Variants in CTNNA2 observed in about 807,000 individuals in gnomAD.
CTNNA2 encodes catenin alpha 2, also known as catenin alpha-2.
In CTNNA2, 42 loss-of-function variants were observed where a neutral mutation model predicts 101.0. That is an observed-to-expected ratio of 0.42 (90% CI 0.32 to 0.54). The LOEUF (loss-of-function observed/expected upper bound fraction) is 0.54, where lower values mean the gene tolerates loss of function less well. CTNNA2 is among the 20% of genes least tolerant of loss of function. The pLI is 0.14. For missense variants in CTNNA2, 871 were observed against 1,223.1 expected, an observed-to-expected ratio of 0.71 and a Z score of 4.29; for synonymous variants, 450 against 456.4, an observed-to-expected ratio of 0.99 and a Z score of 0.18.
intron 7 of CTNNA2, among the ~76,000 whole-genome samples, chr2:80,265,611 A>C (rs558199538): frequency 6.6e-6 from 1 of 152,278 alleles, no homozygotes; most frequent in South Asian, 2.1e-4. Context: ...CTGGCCTTAC[A>C]TTGATTGCTG....
At chr2:80,620,936 A>G (rs1002064604) in intron 18 of CTNNA2, among the ~76,000 whole-genome samples, 5 of 151,950 alleles carry the variant, frequency 3.3e-5, no homozygotes, top group Non-Finnish European at 5.9e-5. Flanking sequence ...GCACTTATTT[A>G]TCTTCATGTG....
chr2:80,179,971 A>C (rs1705668167), intron 7 of CTNNA2, among the ~76,000 whole-genome samples: 1 of 152,068 alleles, frequency 6.6e-6, no homozygotes, highest in South Asian at 2.1e-4. Flanking sequence ...CTGAGCTAAA[A>C]CTTCATTAAT....
chr2:79,306,062 A>AAAAAAG (rs1676236965), intron 2 of CTNNA2, among the ~76,000 whole-genome samples: 1 of 151,484 alleles, frequency 6.6e-6, no homozygotes, highest in Admixed American at 6.6e-5. Context: ...AAAAAAAAAA[A>AAAAAAG]GGCAATCTTG....
intron 3 of CTNNA2, among the ~76,000 whole-genome samples, chr2:79,790,118 G>A (rs1256956110): frequency 6.6e-6 from 1 of 152,222 alleles, no homozygotes; most frequent in African/African-American, 2.4e-5. Flanking sequence ...CAGTACATCA[G>A]TAGTAGCTGA....
At position 80,343,673 on chromosome 2, in the gene CTNNA2, A is replaced by G. The variant is rs1309821034; in HGVS notation, c.1057-49538A>G. On this transcript the variant is annotated intron_variant, in intron 7 of 18. Coordinates refer to ENST00000402739, the MANE Select transcript of CTNNA2 (RefSeq NM_001282597.3). ...CACAATTATTTATAAGAAAAATAGGACTGGAACCCATTTCTGATCACGATC... is the reference window on the plus strand; with the variant it reads ...CACAATTATTTATAAGAAAAATAGGGCTGGAACCCATTTCTGATCACGATC... 2.0e-5 allele frequency among the ~76,000 whole-genome samples: 3 copies of G among 152,192 alleles called. No homozygotes were observed. In the East Asian group the frequency reaches 5.8e-4, roughly 29 times the overall value.
intron 7 of CTNNA2, among the ~76,000 whole-genome samples, chr2:79,951,132 GA>G (rs1225934840): frequency 6.6e-6 from 1 of 152,128 alleles, no homozygotes; most frequent in African/African-American, 2.4e-5. Context: ...CAAAAGAGCA[GA>G]AAACTACATA....
intron 4 of CTNNA2, among the ~76,000 whole-genome samples, chr2:79,399,534 C>T (rs1180092831): frequency 6.6e-6 from 1 of 152,060 alleles, no homozygotes; most frequent in Non-Finnish European, 1.5e-5. Flanking sequence ...ATAGAAATAT[C>T]ATAGACCACA....
chr2:80,573,875 A>C (rs1441763897), intron 12 of CTNNA2, among the ~76,000 whole-genome samples: 2 of 152,272 alleles, frequency 1.3e-5, no homozygotes, highest in East Asian at 3.9e-4. Flanking sequence ...GTAACATGAA[A>C]ACTATATTCA....
At chr2:79,693,694 A>G (rs1684471797) in intron 2 of CTNNA2, among the ~76,000 whole-genome samples, 1 of 151,952 alleles carries the variant, frequency 6.6e-6, no homozygotes, top group African/African-American at 2.4e-5. Flanking sequence ...GGGGAAAGTC[A>G]GAGTATAAAG....
chr2:80,419,306 T>G (rs907021418), intron 8 of CTNNA2, 143 bp from the exon 9 acceptor site: 6 of 618,908 alleles, frequency 9.7e-6, no homozygotes, highest in Non-Finnish European at 1.7e-5. Context: ...CCTTTAATAA[T>G]GTAAGCACTG....
intron 7 of CTNNA2, among the ~76,000 whole-genome samples, chr2:79,996,458 A>C (rs1350931939): frequency 6.6e-6 from 1 of 152,230 alleles, no homozygotes; most frequent in Non-Finnish European, 1.5e-5. Context: ...ATTATGAAGC[A>C]GAAAAAAGAA....
intron 3 of CTNNA2, among the ~76,000 whole-genome samples, chr2:79,834,574 GTTGA>G (rs1374075798): frequency 1.3e-5 from 2 of 151,790 alleles, no homozygotes; most frequent in Non-Finnish European, 2.9e-5. Flanking sequence ...TTTTCATTGG[GTTGA>G]TTGTCATCTT....
intron 9 of CTNNA2, among the ~76,000 whole-genome samples, chr2:80,462,021 TG>T (rs1684471131): frequency 6.6e-6 from 1 of 152,244 alleles, no homozygotes; most frequent in South Asian, 2.1e-4. Context: ...ATGTTTTCAT[TG>T]TTATTTAAAA....
chr2:80,604,207 T>TG (rs898180810), intron 16 of CTNNA2, 28 bp downstream of exon 16: 2 of 1,576,688 alleles, frequency 1.3e-6, no homozygotes. Flanking sequence ...GGTGGGCACA[T>TG]GCTGAGTGGA....
At chr2:80,099,403 T>C (rs1700396565) in intron 7 of CTNNA2, among the ~76,000 whole-genome samples, 1 of 152,098 alleles carries the variant, frequency 6.6e-6, no homozygotes, top group Non-Finnish European at 1.5e-5. Context: ...TTGGAATACA[T>C]TGATAAACTG....
rs35938297 is a variant in CTNNA2 at position 80,477,727 on chromosome 2, A to ATGTGTGTG, written c.1290+58154_1290+58161dup. Among the ~76,000 whole-genome samples the ATGTGTGTG allele has an allele frequency of 4.6e-3, 658 of 143,910 alleles. 6 individuals are homozygous for ATGTGTGTG. The highest frequency in any genetic ancestry group is 0.015 in the African/African-American group (600 of 39,346). The allele number at this position is 143,910 out of a possible 152,430, so 94.4% of individuals were successfully genotyped here. A position where few individuals can be genotyped will look rare whatever the true frequency, so the allele number is the denominator to read the frequency against. ...GGCTGAGTAGTATTCCATGGTGTGA[A>ATGTGTGTG]TGTGTGTGTGTGTGTGTGTGTGTGT... On this transcript the variant is annotated intron_variant, in intron 9 of 18. Coordinates refer to ENST00000402739, the MANE Select transcript of CTNNA2 (RefSeq NM_001282597.3).
In CTNNA2 at chr2:79,206,440, G is replaced by A. The variant is rs1674101705; in HGVS notation, c.-406+8364G>A. Among the ~76,000 whole-genome samples, 8 of 152,162 alleles carry A rather than the reference G, an allele frequency of 5.3e-5. No individual in the cohort carries two copies. In the South Asian group the frequency reaches 1.7e-3, roughly 31 times the overall value. ...GCCAGTCCTCAGCGACATTGGGGAG[G>A]TCAATCTTTGTCAATCCCAGTGTGC... is the stretch of plus-strand genomic sequence containing the variant. On this transcript the variant is annotated intron_variant, in intron 2 of 21. Coordinates refer to the CTNNA2 transcript ENST00000466387.
chr2:79,993,867 G>T (rs1692353859), intron 7 of CTNNA2, among the ~76,000 whole-genome samples: 2 of 151,956 alleles, frequency 1.3e-5, no homozygotes, highest in African/African-American at 2.4e-5. Context: ...AAAGAGGTTT[G>T]GTTTTGTTGG....
intron 3 of CTNNA2, among the ~76,000 whole-genome samples, chr2:79,829,402 C>G (rs1044017150): frequency 1.4e-5 from 2 of 145,342 alleles, no homozygotes; most frequent in African/African-American, 2.6e-5. Flanking sequence ...CACACACACA[C>G]ACACACACAC....
Sources: gnomAD v4.1 joint callset for allele counts (sites outside exome capture counted in the v4.1 genomes callset) on GRCh38, gnomAD v4.1.1 for gene constraint, MANE v1.5 for transcripts, NCBI Gene and HGNC (gene_info 2026-07-23, HGNC 2026-07-21) for gene names.